The following COL24A1 variants were observed in gnomAD, a reference collection of about 807,000 sequenced individuals.
COL24A1 encodes collagen type XXIV alpha 1 chain, also known as collagen alpha-1(XXIV) chain.
Under a neutral mutation model 253.9 loss-of-function variants are expected in COL24A1, and 224 were observed. That is an observed-to-expected ratio of 0.88 (90% CI 0.79 to 0.99). The LOEUF (loss-of-function observed/expected upper bound fraction) is 0.99, where lower values mean the gene tolerates loss of function less well. COL24A1 is among the 50% of genes least tolerant of loss of function. The pLI is 0.00. For missense variants in COL24A1, 2,131 were observed against 2,068.5 expected, an observed-to-expected ratio of 1.03 and a Z score of -0.59; for synonymous variants, 685 against 673.7, an observed-to-expected ratio of 1.02 and a Z score of -0.26.
At chr1:85,911,253 T>C (rs1340093353) in intron 25 of COL24A1, 127 bp downstream of exon 25, 3 of 701,670 alleles carry the variant, frequency 4.3e-6, no homozygotes, top group Admixed American at 5.5e-5. Context: ...ATTTAAGATA[T>C]TCAGTATAGG....
intron 7 of COL24A1, among the ~76,000 whole-genome samples, chr1:86,069,130 C>T (rs540614077): frequency 6.6e-6 from 1 of 152,262 alleles, no homozygotes; most frequent in Non-Finnish European, 1.5e-5. Context: ...ACCCTATGTA[C>T]CAGCTTGGCC....
intron 19 of COL24A1, among the ~76,000 whole-genome samples, chr1:85,994,617 G>T (rs1694600778): frequency 6.6e-6 from 1 of 152,056 alleles, no homozygotes; most frequent in Admixed American, 6.6e-5. Flanking sequence ...GTCCAGGTAG[G>T]AAAGTAATAA....
chr1:85,830,853 T>G (rs1422612566), intron 43 of COL24A1, among the ~76,000 whole-genome samples: 1 of 152,116 alleles, frequency 6.6e-6, no homozygotes, highest in African/African-American at 2.4e-5. Context: ...ACCCAGTACC[T>G]CAGATGGAAA....
intron 5 of COL24A1, 65 bp downstream of exon 5, chr1:86,112,502 T>A: frequency 1.4e-6 from 2 of 1,429,294 alleles, no homozygotes; most frequent in Non-Finnish European, 1.9e-6. Flanking sequence ...AGGGATCTTC[T>A]TTTTAATATC....
chr1:85,835,134 T>TA (rs1458798221), intron 43 of COL24A1, among the ~76,000 whole-genome samples: 2 of 152,160 alleles, frequency 1.3e-5, no homozygotes, highest in South Asian at 2.1e-4. Flanking sequence ...TATATATATA[T>TA]TTTTTAGATG....
intron 20 of COL24A1, among the ~76,000 whole-genome samples, chr1:85,978,812 C>A (rs1372456742): frequency 2.0e-5 from 3 of 152,064 alleles, no homozygotes; most frequent in Non-Finnish European, 4.4e-5. Flanking sequence ...AGAAAGTGAA[C>A]TTCATCTATG....
intron 37 of COL24A1, among the ~76,000 whole-genome samples, chr1:85,864,100 C>T (rs764561245): frequency 7.2e-5 from 11 of 152,070 alleles, no homozygotes; most frequent in Non-Finnish European, 1.0e-4. Context: ...CACATGCACA[C>T]GTGGGTTTAT....
At position 86,120,652 on chromosome 1, in the gene COL24A1, T is replaced by G. The variant is rs144063799; in HGVS notation, c.1491+4193A>C. Among the ~76,000 whole-genome samples, 841 of 151,210 alleles carry G rather than the reference T, an allele frequency of 5.6e-3. 16 individuals carry two copies. The East Asian group carries it at 0.066, about 12-fold the overall frequency. ...AAAAGTCAGGAAATAACAGGTGCTG[T>G]AGAGGATGTGGAGAAATAGGAATGC... On this transcript the variant is annotated intron_variant, in intron 3 of 59. Coordinates refer to ENST00000370571, the MANE Select transcript of COL24A1 (RefSeq NM_152890.7).
chr1:85,993,382 A>T (rs1010500360), intron 19 of COL24A1, among the ~76,000 whole-genome samples: 3 of 151,978 alleles, frequency 2.0e-5, no homozygotes, highest in African/African-American at 7.2e-5. Context: ...TAAAACGAAC[A>T]GCCTAGATGT....
At chr1:85,870,131 C>A (rs145812091) in intron 35 of COL24A1, among the ~76,000 whole-genome samples, 20 of 152,286 alleles carry the variant, frequency 1.3e-4, no homozygotes, top group African/African-American at 4.8e-4. Flanking sequence ...AGGATCAATT[C>A]AACAAGAAGA....
At chr1:86,038,105 G>A (rs924964887) in intron 12 of COL24A1, among the ~76,000 whole-genome samples, 2 of 151,768 alleles carry the variant, frequency 1.3e-5, no homozygotes, top group African/African-American at 4.8e-5. Context: ...CATGAATTTT[G>A]TCTATACTTA....
At position 85,841,238 on chromosome 1, in the gene COL24A1, C is replaced by T; in HGVS notation, c.3611G>A (p.Gly1204Glu). 6.2e-7 allele frequency: 1 copy of T among 1,602,840 alleles called. No homozygotes were observed. The highest frequency in any genetic ancestry group is 8.5e-7 in the Non-Finnish European group (1 of 1,175,656). ...GEDSTVLGPP[G>E]PRGEPGPVGD... is the part of the protein sequence containing the mutation. ...AAGACCTACTGGTTCACCTCGAGGC[C>T]CAGGTGGTCCTAGGACTGTGCTATC... Residue 1204 changes from glycine to glutamate, a missense_variant, in exon 42 of 60, where the codon GGG (glycine) becomes GAG (glutamate). Gly to Glu is a moderately conservative substitution (Grantham distance 98, BLOSUM62 -2). Transcript: ENST00000370571.
At chr1:86,095,247 A>G (rs1374316097) in intron 5 of COL24A1, among the ~76,000 whole-genome samples, 2 of 152,142 alleles carry the variant, frequency 1.3e-5, no homozygotes, top group African/African-American at 4.8e-5. Context: ...AAAAATTGAT[A>G]GAGTGGGCAA....
At chr1:85,852,607 T>C (rs1677893351) in intron 37 of COL24A1, among the ~76,000 whole-genome samples, 1 of 152,190 alleles carries the variant, frequency 6.6e-6, no homozygotes, top group African/African-American at 2.4e-5. Context: ...CTATCATGAA[T>C]ATAAAATAAC....
intron 53 of COL24A1, among the ~76,000 whole-genome samples, chr1:85,774,191 G>C (rs902416857): frequency 1.3e-5 from 2 of 152,170 alleles, no homozygotes; most frequent in African/African-American, 2.4e-5. Flanking sequence ...TGCGTATGTT[G>C]AACGAGCCTT....
At chr1:85,816,126 A>G (rs1378417552) in intron 47 of COL24A1, among the ~76,000 whole-genome samples, 1 of 152,172 alleles carries the variant, frequency 6.6e-6, no homozygotes, top group Non-Finnish European at 1.5e-5. Flanking sequence ...GTAGAGGCCA[A>G]CACTGAGCTA....
chr1:85,844,955 ACTTG>A (rs905599054), intron 39 of COL24A1, among the ~76,000 whole-genome samples: 1 of 151,936 alleles, frequency 6.6e-6, no homozygotes, highest in African/African-American at 2.4e-5. Context: ...ATTTTATATG[ACTTG>A]CTTAACACTT....
intron 19 of COL24A1, among the ~76,000 whole-genome samples, chr1:86,012,459 T>TGG (rs1559001965): frequency 2.6e-5 from 4 of 152,046 alleles, no homozygotes; most frequent in Non-Finnish European, 5.9e-5. Flanking sequence ...TGTGGTGGCA[T>TGG]GCGCCTGTAA....
At chr1:85,834,336 GAGAA>G (rs1570834304) in intron 43 of COL24A1, among the ~76,000 whole-genome samples, 1 of 151,902 alleles carries the variant, frequency 6.6e-6, no homozygotes, top group South Asian at 2.1e-4. Context: ...GAGAAAGAAA[GAGAA>G]AGAAAGAGAG....
Sources: allele counts gnomAD v4.1 joint callset (sites outside exome capture counted in the v4.1 genomes callset), GRCh38; gene constraint gnomAD v4.1.1; transcripts MANE v1.5; gene names NCBI Gene and HGNC (gene_info 2026-07-23, HGNC 2026-07-21).